The following C13orf46 variants were observed in gnomAD, a reference collection of about 807,000 sequenced individuals.
The protein encoded by C13orf46 is chromosome 13 open reading frame 46.
chr13:113,948,302 T>TGGG, the C13orf46 span, among the ~76,000 whole-genome samples: 1 of 152,186 alleles, frequency 6.6e-6, no homozygotes, highest in Non-Finnish European at 1.5e-5. Flanking sequence ...GCCCAGTGAC[T>TGGG]GGGGAGGCAC....
chr13:113,942,776 T>C, the C13orf46 span, among the ~76,000 whole-genome samples: 1 of 152,162 alleles, frequency 6.6e-6, no homozygotes, highest in East Asian at 1.9e-4. Flanking sequence ...GGCCTGTTGG[T>C]GATCGGTCAG....
chr13:113,948,944 T>C (rs2052479447), downstream of C13orf46, among the ~76,000 whole-genome samples: 1 of 152,202 alleles, frequency 6.6e-6, no homozygotes, highest in Non-Finnish European at 1.5e-5. Flanking sequence ...CCTAATGAGG[T>C]GACTCTTGGG....
At chr13:113,950,464 C>T, downstream of C13orf46, among the ~76,000 whole-genome samples, 1 of 148,524 alleles carries the variant, frequency 6.7e-6, no homozygotes, top group Admixed American at 6.7e-5. Context: ...CTGCCTTGGG[C>T]ACCTCGGTGC....
chr13:113,940,556 ATGTGTGAGGCTGAGCG>A, the C13orf46 span, among the ~76,000 whole-genome samples: 15 of 72,382 alleles, frequency 2.1e-4, no homozygotes, highest in African/African-American at 3.0e-4. Context: ...CTGGGACTCC[ATGTGTGAGGCTGAGCG>A]TTCGAGACCC....
At chr13:113,961,282 T>C (rs1365850239) in intron 6 of C13orf46, among the ~76,000 whole-genome samples, 1 of 151,992 alleles carries the variant, frequency 6.6e-6, no homozygotes, top group Admixed American at 6.6e-5. Flanking sequence ...GTTCTAAAAA[T>C]TACATACATT....
the C13orf46 span, among the ~76,000 whole-genome samples, chr13:113,934,881 G>C: frequency 6.6e-6 from 1 of 152,272 alleles, no homozygotes; most frequent in African/African-American, 2.4e-5. Context: ...AATGTAGTCT[G>C]AAGAGAAGCA....
At chr13:113,952,383 T>C (rs2052492813), downstream of C13orf46, among the ~76,000 whole-genome samples, 1 of 148,240 alleles carries the variant, frequency 6.7e-6, no homozygotes, top group African/African-American at 2.5e-5. Context: ...TGGCTGCCGC[T>C]CCCGCCTGCC....
At chr13:113,947,792 T>C in the C13orf46 span, among the ~76,000 whole-genome samples, 23,859 of 152,264 alleles carry the variant, frequency 0.16, 2,108 homozygotes, top group African/African-American at 0.18. Flanking sequence ...GCACACAGGC[T>C]GACCCCGTGA....
At chr13:113,940,427 C>T in the C13orf46 span, among the ~76,000 whole-genome samples, 8 of 152,268 alleles carry the variant, frequency 5.3e-5, no homozygotes, top group Admixed American at 2.0e-4. Context: ...TGGGGCTCTG[C>T]GTGAGGATGG....
the C13orf46 span, among the ~76,000 whole-genome samples, chr13:113,946,643 C>T: frequency 3.9e-5 from 6 of 152,244 alleles, no homozygotes; most frequent in African/African-American, 7.2e-5. Context: ...GGGAGCAGAA[C>T]GGGGCCGCAG....
intron 6 of C13orf46, among the ~76,000 whole-genome samples, chr13:113,964,056 G>A (rs1273266722): frequency 2.6e-5 from 4 of 152,034 alleles, no homozygotes; most frequent in African/African-American, 9.7e-5. Context: ...TCACCATGTT[G>A]GCCAGGATGG....
At chr13:113,969,466 G>A (rs1236809661) in intron 2 of C13orf46, among the ~76,000 whole-genome samples, 1 of 152,228 alleles carries the variant, frequency 6.6e-6, no homozygotes, top group Non-Finnish European at 1.5e-5. Context: ...TCTAACACAC[G>A]AACACTCACT....
At chr13:113,970,474 C>T (rs2052692306) in intron 1 of C13orf46, 1 of 152,356 alleles carries the variant, frequency 6.6e-6, no homozygotes, top group Non-Finnish European at 1.5e-5. Flanking sequence ...TGGGCTCCAC[C>T]TTCTCCCTGC....
rs1380943663 is a variant in C13orf46, at chr13:113,955,994, A to G, written c.*779T>C. ...GCGGAGACGAGGAGTAGGATCTGGC[A>G]GAGAGGAGGAGTAGGATCTGGCGGA... is the stretch of plus-strand genomic sequence containing the variant. On this transcript the variant is annotated 3_prime_UTR_variant, in exon 7 of 7. Coordinates refer to ENST00000636427, the MANE Select transcript of C13orf46 (RefSeq NM_001365455.2). 98,156 of 139,952 alleles carry G rather than the reference A, an allele frequency of 0.7. 34,987 individuals are homozygous for G. The highest frequency in any genetic ancestry group is 0.84 in the African/African-American group (30,517 of 36,278). 8.7% of individuals were successfully genotyped at this position (139,952 alleles called of 1,614,324 possible).
rs1388595253 is a variant in C13orf46, at chr13:113,968,226, C to A, written c.456+241G>T. ...GCACCTCCTCTCAGGGCCTCATACA[C>A]CTTTAGTGACTGCACGTTTGGCAAG... is the stretch of plus-strand genomic sequence containing the variant. On this transcript the variant is annotated intron_variant, in intron 4 of 6. Transcript: ENST00000636427. 4.6e-5 allele frequency among the ~76,000 whole-genome samples: 7 copies of A among 152,308 alleles called. No individual in the cohort carries two copies. In the South Asian group the frequency reaches 8.3e-4, roughly 18 times the overall value.
At chr13:113,935,326 C>T in the C13orf46 span, among the ~76,000 whole-genome samples, 16 of 152,244 alleles carry the variant, frequency 1.1e-4, no homozygotes, top group African/African-American at 3.9e-4. Flanking sequence ...GGTTAGGGGC[C>T]CCTGGCCCTG....
At chr13:113,929,987 G>A in the C13orf46 span, among the ~76,000 whole-genome samples, 1 of 152,244 alleles carries the variant, frequency 6.6e-6, no homozygotes, top group Admixed American at 6.5e-5. Context: ...GTGGACTTAC[G>A]TGGACAAAAT....
chr13:113,965,833 GTGATGGTGA>G (rs1260247320), intron 5 of C13orf46, among the ~76,000 whole-genome samples: 6 of 72,886 alleles, frequency 8.2e-5, no homozygotes, highest in African/African-American at 4.5e-4. Flanking sequence ...GGTGATAATG[GTGATGGTGA>G]TGATGGTGAT....
At position 113,955,757 on chromosome 13, in the gene C13orf46, G is replaced by A. The variant is rs1315204200; in HGVS notation, c.*1016C>T. ...AGGAGTAGTGTCTGGCAGAGAGGAG[G>A]AGCATCCGGCGGAGACGAGGAGCAG... is the stretch of plus-strand genomic sequence containing the variant. On this transcript the variant is annotated 3_prime_UTR_variant, in exon 7 of 7. Coordinates refer to ENST00000636427, the MANE Select transcript of C13orf46 (RefSeq NM_001365455.2). The A allele has an allele frequency of 1.3e-5, 2 of 158,890 alleles. No individual in the cohort carries two copies. Among genetic ancestry groups the A allele is most frequent in the African/African-American group, 2.6e-5 (1 of 38,816 alleles). The allele number at this position is 158,890 out of a possible 1,614,324, so 9.8% of individuals were successfully genotyped here. A position where few individuals can be genotyped will look rare whatever the true frequency, so the allele number is the denominator to read the frequency against.
Sources: allele counts gnomAD v4.1 joint callset (sites outside exome capture counted in the v4.1 genomes callset), GRCh38; gene constraint gnomAD v4.1.1; transcripts MANE v1.5; gene names NCBI Gene and HGNC (gene_info 2026-07-23, HGNC 2026-07-21).